CAMTA1: variants seen among roughly 807,000 people sequenced by gnomAD.
The protein encoded by CAMTA1 is calmodulin binding transcription activator 1.
In CAMTA1, 27 loss-of-function variants were observed where a neutral mutation model predicts 170.9. The observed-to-expected ratio is 0.16, with a 90% CI of 0.12 to 0.22. The LOEUF is 0.22. CAMTA1 is among the 10% of genes least tolerant of loss of function. The pLI, the probability that CAMTA1 is intolerant of heterozygous loss-of-function variation, is 1.00. For synonymous variants in CAMTA1, 833 were observed against 891.5 expected (o/e 0.93, Z 1.17); for missense variants, 1,619 against 2,217.2 (o/e 0.73, Z 5.42).
chr1:6,831,432 A>G (rs1253774418), intron 3 of CAMTA1, among the ~76,000 whole-genome samples: 1 of 152,216 alleles, frequency 6.6e-6, no homozygotes, highest in Non-Finnish European at 1.5e-5. Context: ...ACAAATGACT[A>G]TTTCATAATT....
At chr1:7,419,595 C>T (rs2091427126) in intron 5 of CAMTA1, among the ~76,000 whole-genome samples, 2 of 152,162 alleles carry the variant, frequency 1.3e-5, no homozygotes, top group Admixed American at 6.5e-5. Context: ...GCTGATGCTT[C>T]CCAAACTGAT....
intron 4 of CAMTA1, among the ~76,000 whole-genome samples, chr1:7,119,249 G>A (rs753460850): frequency 5.3e-5 from 8 of 152,230 alleles, no homozygotes; most frequent in Non-Finnish European, 1.0e-4. Context: ...GAGCCACTGC[G>A]GCACTGCTGA....
chr1:7,724,170 A>G (rs886251577), intron 11 of CAMTA1, among the ~76,000 whole-genome samples: 3 of 152,242 alleles, frequency 2.0e-5, no homozygotes, highest in Non-Finnish European at 2.9e-5. Flanking sequence ...ACTGTCACAG[A>G]TCCAAGGACA....
At chr1:7,716,275 C>T (rs2995036) in intron 11 of CAMTA1, among the ~76,000 whole-genome samples, 74,157 of 151,996 alleles carry the variant, frequency 0.49, 18,177 homozygotes, top group East Asian at 0.65. Flanking sequence ...TCAAGTGATC[C>T]TCCTGCCTCA....
At chr1:7,755,813 C>A in intron 22 of CAMTA1, 145 bp downstream of exon 22, 2 of 724,606 alleles carry the variant, frequency 2.8e-6, no homozygotes, top group Non-Finnish European at 5.1e-6. Context: ...TAAAAACTAA[C>A]CCTAATTACT....
At chr1:7,509,733 C>T (rs2094173855) in intron 6 of CAMTA1, among the ~76,000 whole-genome samples, 1 of 152,126 alleles carries the variant, frequency 6.6e-6, no homozygotes, top group African/African-American at 2.4e-5. Context: ...CCTTCCATGC[C>T]CCCAGGTGGG....
intron 5 of CAMTA1, among the ~76,000 whole-genome samples, chr1:7,253,964 A>G (rs1481508726): frequency 6.6e-6 from 1 of 152,130 alleles, no homozygotes; most frequent in East Asian, 1.9e-4. Context: ...GACTAAAAAA[A>G]TCAATCATGC....
intron 3 of CAMTA1, among the ~76,000 whole-genome samples, chr1:7,042,815 G>C (rs1704677717): frequency 6.6e-6 from 1 of 152,148 alleles, no homozygotes; most frequent in South Asian, 2.1e-4. Flanking sequence ...CCTCTTAAAG[G>C]ACCTCTAGGC....
intron 3 of CAMTA1, among the ~76,000 whole-genome samples, chr1:7,006,026 C>T (rs1053941953): frequency 3.9e-5 from 6 of 152,060 alleles, no homozygotes; most frequent in Admixed American, 1.3e-4. Context: ...GGGAAGGTAG[C>T]ATTGGGTGTG....
chr1:7,148,149 G>A (rs1330510462), intron 4 of CAMTA1, among the ~76,000 whole-genome samples: 1 of 134,658 alleles, frequency 7.4e-6, no homozygotes, highest in Admixed American at 7.5e-5. Context: ...ATACACACAC[G>A]ACACAAATGT....
Position 7,078,475 on chromosome 1 carries a change from G to A in CAMTA1, c.235-12829G>A, listed in dbSNP as rs190754901. Among the ~76,000 whole-genome samples, 8 of 152,232 alleles carry A rather than the reference G, an allele frequency of 5.3e-5. No homozygotes were observed. In the East Asian group the frequency reaches 1.2e-3, roughly 22 times the overall value. On this transcript the variant is annotated intron_variant, in intron 3 of 22. Coordinates refer to ENST00000303635, the MANE Select transcript of CAMTA1 (RefSeq NM_015215.4). ...TATTTGAGAAAATCTGTATCTCTAC[G>A]GGCTTACGATAGCCTGTCTCTGAGA...
At chr1:7,409,815 C>T (rs2090579998) in intron 5 of CAMTA1, among the ~76,000 whole-genome samples, 2 of 152,228 alleles carry the variant, frequency 1.3e-5, no homozygotes, top group Admixed American at 6.5e-5. Context: ...TCATTTTTCT[C>T]TCCTGGGCAC....
At chr1:7,259,155 C>G (rs140342884) in intron 5 of CAMTA1, among the ~76,000 whole-genome samples, 4 of 152,282 alleles carry the variant, frequency 2.6e-5, no homozygotes, top group Non-Finnish European at 5.9e-5. Flanking sequence ...GGCTGCTGAG[C>G]TTCCCTGTGG....
At chr1:7,689,267 C>CA (rs371037487) in intron 11 of CAMTA1, among the ~76,000 whole-genome samples, 14,898 of 131,946 alleles carry the variant, frequency 0.11, 954 homozygotes, top group Middle Eastern at 0.18. Context: ...AACTCCTTCT[C>CA]AAAAAAAAAA....
chr1:7,433,943 T>C (rs2092264140), intron 5 of CAMTA1, among the ~76,000 whole-genome samples: 1 of 152,096 alleles, frequency 6.6e-6, no homozygotes, highest in African/African-American at 2.4e-5. Flanking sequence ...CCTCATTCAA[T>C]GCAAGGGGAG....
At chr1:7,430,332 A>G (rs1216904054) in intron 5 of CAMTA1, among the ~76,000 whole-genome samples, 12 of 151,620 alleles carry the variant, frequency 7.9e-5, no homozygotes, top group Admixed American at 7.9e-4. Context: ...GGCAGTGGTG[A>G]TGACAGCAAT....
At chr1:6,785,956 C>T (rs1639148066) in intron 1 of CAMTA1, among the ~76,000 whole-genome samples, 1 of 149,744 alleles carries the variant, frequency 6.7e-6, no homozygotes, top group South Asian at 2.1e-4. Flanking sequence ...CCCGCACCCC[C>T]GGCGCTGGGT....
At chr1:6,810,329 C>T (rs943326740) in intron 1 of CAMTA1, among the ~76,000 whole-genome samples, 7 of 152,184 alleles carry the variant, frequency 4.6e-5, no homozygotes, top group Admixed American at 2.6e-4. Context: ...GCTGTTGGCC[C>T]GAGGCTACCC....
intron 4 of CAMTA1, among the ~76,000 whole-genome samples, chr1:7,137,453 T>C (rs1645608937): frequency 6.6e-6 from 1 of 152,178 alleles, no homozygotes; most frequent in Non-Finnish European, 1.5e-5. Flanking sequence ...AGCAGCCCAG[T>C]GTGGCTGGAG....
Sources: gnomAD v4.1 joint callset for allele counts (sites outside exome capture counted in the v4.1 genomes callset) on GRCh38, gnomAD v4.1.1 for gene constraint, MANE v1.5 for transcripts, NCBI Gene and HGNC (gene_info 2026-07-23, HGNC 2026-07-21) for gene names.